Variants in MYH11 observed in about 807,000 individuals in gnomAD.
The protein encoded by MYH11 is myosin heavy chain 11.
MYH11 carries 80 observed loss-of-function variants against 246.6 expected under a neutral mutation model. The observed-to-expected ratio is 0.32, with a 90% confidence interval of 0.27 to 0.39. The LOEUF is 0.39. Among genes scored for constraint, MYH11 ranks in the 10% least tolerant of loss-of-function variants. The pLI, the probability that MYH11 is intolerant of heterozygous loss-of-function variation, is 1.00. For synonymous variants in MYH11, 1,071 were observed against 1,015.5 expected, an observed-to-expected ratio of 1.05 and a Z score of -1.04; for missense variants, 2,158 against 2,546.8, an observed-to-expected ratio of 0.85 and a Z score of 3.29.
At chr16:15,843,487 G>A (rs1297496904) in intron 1 of MYH11, among the ~76,000 whole-genome samples, 4 of 150,496 alleles carry the variant, frequency 2.7e-5, no homozygotes, top group South Asian at 4.2e-4. Flanking sequence ...TCAAGAGATC[G>A]AGACCATCCT....
chr16:15,734,462 G>A (rs1180906738), intron 26 of MYH11, among the ~76,000 whole-genome samples: 2 of 152,150 alleles, frequency 1.3e-5, no homozygotes, highest in Admixed American at 6.6e-5. Context: ...ACCACGCCCA[G>A]GTAATTTTTG....
At chr16:15,843,699 C>A (rs147401920) in intron 1 of MYH11, among the ~76,000 whole-genome samples, 103 of 134,348 alleles carry the variant, frequency 7.7e-4, no homozygotes, top group Non-Finnish European at 7.4e-4. Context: ...GACTCCGTCT[C>A]AAAAAAAAAA....
intron 19 of MYH11, among the ~76,000 whole-genome samples, chr16:15,747,052 C>A (rs934726595): frequency 6.6e-6 from 1 of 151,792 alleles, no homozygotes; most frequent in African/African-American, 2.4e-5. Context: ...TGCGCCACTG[C>A]ACTCCAGCCT....
At chr16:15,845,657 T>G (rs1389515596) in intron 1 of MYH11, among the ~76,000 whole-genome samples, 2 of 152,184 alleles carry the variant, frequency 1.3e-5, no homozygotes, top group East Asian at 3.9e-4. Flanking sequence ...AATCATTCCC[T>G]GATAATCTCT....
At chr16:15,720,398 T>C in intron 33 of MYH11, 86 bp from the exon 34 acceptor site, 1 of 1,512,688 alleles carries the variant, frequency 6.6e-7, no homozygotes, top group Non-Finnish European at 9.0e-7. Context: ...CTGCACCCCT[T>C]CCCCAGCACA....
intron 6 of MYH11, among the ~76,000 whole-genome samples, chr16:15,780,545 G>C (rs569172090): frequency 7.6e-6 from 1 of 130,844 alleles, no homozygotes; most frequent in African/African-American, 2.9e-5. Context: ...GCAGTGGTGT[G>C]ACTTTGGCTC....
chr16:15,849,313 T>C (rs1039358672), intron 1 of MYH11, among the ~76,000 whole-genome samples: 9 of 152,202 alleles, frequency 5.9e-5, no homozygotes, highest in African/African-American at 2.2e-4. Context: ...ATGACAGGCG[T>C]GAGTCACCTC....
rs754636432 is a variant in MYH11, at chr16:15,759,676, C to T, written c.1301G>A (p.Arg434His). ...LAKATYERLF[R>H]WILTRVNKAL... ...TTTGTTCACGCGGGTGAGTATCCAGCGGAAAAGGCGCTCATATGTTGCCTT... is the reference window on the plus strand; with the variant it reads ...TTTGTTCACGCGGGTGAGTATCCAGTGGAAAAGGCGCTCATATGTTGCCTT... The change falls in exon 12 of 41, where the codon CGC becomes CAC. Residue 434 changes from arginine (R) to histidine (H), a missense_variant. By Grantham distance (29) the Arg-to-His change is conservative. Transcript: ENST00000300036. The T allele has an allele frequency of 1.3e-5, 21 of 1,614,058 alleles. No individual in the cohort carries two copies. In the East Asian group the frequency reaches 2.2e-4, roughly 17 times the overall value.
rs1439752555 is a variant in MYH11 at position 15,750,743 on chromosome 16, C to G, written c.1865-412G>C. Among the ~76,000 whole-genome samples the G allele has an allele frequency of 6.6e-6, 1 of 152,004 alleles. No homozygotes were observed. The highest frequency in any genetic ancestry group is 2.4e-5 in the African/African-American group (1 of 41,348). ...CAGCCTCCAATCTTTCATCCACCAA[C>G]AAATAGTTATTGAGGACCTTCTGTG... On this transcript the variant is annotated intron_variant, in intron 15 of 40. Transcript: ENST00000300036. This position sits in a 1 kb window ranked among gnomAD's most constrained non-coding sequence, Gnocchi z 4.3.
chr16:15,736,674 C>T (rs1405100349), intron 25 of MYH11, among the ~76,000 whole-genome samples: 2 of 152,174 alleles, frequency 1.3e-5, no homozygotes, highest in African/African-American at 4.8e-5. Context: ...GACAAAAGAG[C>T]CAGGCCAGGG....
intron 8 of MYH11, chr16:15,775,864 A>G: frequency 4.9e-6 from 3 of 613,816 alleles, no homozygotes; most frequent in African/African-American, 1.8e-5. Context: ...GATGGCTACT[A>G]TGTCACATAG....
Position 15,750,332 on chromosome 16 carries a change from C to CGTCCTTCCACAGGTCGGCCACAAACT in MYH11, c.1865-2_1865-1insAGTTTGTGGCCGACCTGTGGAAGGAC. 1 of 1,595,254 alleles carries CGTCCTTCCACAGGTCGGCCACAAACT rather than the reference C, an allele frequency of 6.3e-7. No individual in the cohort carries two copies. The highest frequency in any genetic ancestry group is 8.5e-7 in the Non-Finnish European group (1 of 1,172,300). ...TGGTCCAGGCCCACGATGCGGTCCA[C>CGTCCTTCCACAGGTCGGCCACAAACT]TATGGGGCACAGCCAGGGTGGCATC... is the stretch of plus-strand genomic sequence containing the variant. On this transcript the variant is annotated splice_acceptor_variant, in intron 15 of 40. Transcript: ENST00000300036. LOFTEE classifies it high-confidence loss of function. This position sits in a 1 kb window ranked among gnomAD's most constrained non-coding sequence, Gnocchi z 4.3.
rs1205663701 is a variant in MYH11 at position 15,715,245 on chromosome 16, C to T, written c.5532G>A (p.Leu1844=). ...AREKQAATKS[L]KQKDKKLKEI... is the part of the protein sequence containing the mutation. ...CCTTCAGCTTCTTGTCTTTCTGCTTCAGCGACTTGGTGGCCGCCTGTTTCT... is the reference window on the plus strand; with the variant it reads ...CCTTCAGCTTCTTGTCTTTCTGCTTTAGCGACTTGGTGGCCGCCTGTTTCT... Residue 1844 remains leucine (L), a synonymous_variant, in exon 39 of 41, where the codon CTG becomes CTA. Transcript: ENST00000300036. 1.9e-6 allele frequency: 3 copies of T among 1,614,010 alleles called. No individual in the cohort carries two copies. The East Asian group carries it at 6.7e-5, about 36-fold the overall frequency.
intron 4 of MYH11, among the ~76,000 whole-genome samples, chr16:15,788,800 G>A (rs1040602861): frequency 4.5e-5 from 4 of 88,964 alleles, no homozygotes; most frequent in Non-Finnish European, 9.5e-5. Flanking sequence ...CAGAATATAT[G>A]TGTGTGTGTG....
chr16:15,832,943 C>CTT lies in MYH11; in HGVS notation c.345+4963_345+4964dup, dbSNP rs780380104. ...CACATCTGAGCTTCAGCAACCTCAT[C>CTT]TTTTTTTTTTTTTTTTTTTTTTTTT... is the stretch of plus-strand genomic sequence containing the variant. On this transcript the variant is annotated intron_variant, in intron 2 of 40. Transcript: ENST00000300036. Among the ~76,000 whole-genome samples, 43 of 55,438 alleles carry CTT rather than the reference C, an allele frequency of 7.8e-4. 5 individuals carry two copies. Among genetic ancestry groups the CTT allele is most frequent in the South Asian group, 3.0e-3 (3 of 1,014 alleles). The allele number at this position is 55,438 out of a possible 152,430, so 36.4% of individuals were successfully genotyped here.
chr16:15,763,741 T>TCGGGCCC, intron 10 of MYH11, 55 bp downstream of exon 10: 13 of 646,846 alleles, frequency 2.0e-5, no homozygotes, highest in East Asian at 9.5e-5. Flanking sequence ...AAATGTCACC[T>TCGGGCCC]CCCCCACCCC....
intron 4 of MYH11, among the ~76,000 whole-genome samples, chr16:15,794,817 A>G (rs1382013484): frequency 6.6e-6 from 1 of 152,224 alleles, no homozygotes; most frequent in African/African-American, 2.4e-5. Flanking sequence ...TGCTGGGCCC[A>G]GGTATGAGAC....
intron 16 of MYH11, chr16:15,749,839 A>G (rs2041516746): frequency 5.8e-6 from 3 of 517,432 alleles, no homozygotes; most frequent in Non-Finnish European, 1.0e-5. Context: ...AATTTTTCTA[A>G]CACTGCTCCC....
intron 6 of MYH11, among the ~76,000 whole-genome samples, chr16:15,781,627 C>T (rs572671644): frequency 3.3e-5 from 5 of 152,338 alleles, no homozygotes; most frequent in Admixed American, 6.5e-5. Context: ...CATCCACTTT[C>T]AGAGTTCCCC....
Sources: gnomAD v4.1 joint callset for allele counts (sites outside exome capture counted in the v4.1 genomes callset) on GRCh38, gnomAD v4.1.1 for gene constraint, Gnocchi (gnomAD v3.1) non-coding constraint, MANE v1.5 for transcripts, NCBI Gene and HGNC (gene_info 2026-07-23, HGNC 2026-07-21) for gene names.